SCARA5: variants seen among roughly 807,000 people sequenced by gnomAD.
SCARA5 encodes the protein scavenger receptor class A, member 5 (putative).
Under a neutral mutation model 46.3 loss-of-function variants are expected in SCARA5, and 45 were observed. The ratio of observed to expected loss-of-function variants is 0.97; its 90% CI spans 0.76 to 1.24. The LOEUF (loss-of-function observed/expected upper bound fraction) is 1.24, where lower values mean the gene tolerates loss of function less well. Among genes scored for constraint, SCARA5 ranks in the 50% most tolerant of loss-of-function variants. SCARA5 has a pLI of 0.00. For synonymous variants in SCARA5, 333 were observed against 306.5 expected (o/e 1.09, Z -0.90); for missense variants, 680 against 689.0 (o/e 0.99, Z 0.15).
intron 4 of SCARA5, among the ~76,000 whole-genome samples, chr8:27,915,782 C>G (rs1807451415): frequency 6.6e-6 from 1 of 152,158 alleles, no homozygotes; most frequent in Admixed American, 6.5e-5. Flanking sequence ...GCCTCAGGAT[C>G]CTCAACTACA....
chr8:27,985,246 G>C (rs1222746330), intron 2 of SCARA5, among the ~76,000 whole-genome samples: 4 of 152,152 alleles, frequency 2.6e-5, no homozygotes, highest in Non-Finnish European at 5.9e-5. Context: ...GCAGAAGGTG[G>C]GAGCTGAGCT....
chr8:27,955,087 C>T (rs1453878381), intron 3 of SCARA5, among the ~76,000 whole-genome samples: 1 of 152,206 alleles, frequency 6.6e-6, no homozygotes. Flanking sequence ...CTACAAGTCA[C>T]TTCTGACACC....
intron 3 of SCARA5, among the ~76,000 whole-genome samples, chr8:27,949,814 C>T (rs527419087): frequency 5.3e-5 from 8 of 152,330 alleles, no homozygotes; most frequent in African/African-American, 9.6e-5. Context: ...GGGCCAGGGA[C>T]ATGGGTCTGG....
At chr8:27,916,703 T>G (rs1807466711) in intron 4 of SCARA5, among the ~76,000 whole-genome samples, 1 of 152,122 alleles carries the variant, frequency 6.6e-6, no homozygotes, top group Non-Finnish European at 1.5e-5. Flanking sequence ...ATCTTTTTAA[T>G]AATAATTACC....
chr8:27,908,408 A>G (rs2685359), intron 5 of SCARA5, among the ~76,000 whole-genome samples: 142,837 of 152,272 alleles, frequency 0.94, 67,423 homozygotes, highest in Middle Eastern at 1. Context: ...CCCTGGCCCC[A>G]TGAGGCCTGG....
rs1808723398 is a variant in SCARA5, at chr8:27,987,597, A to G, written c.19T>C (p.Tyr7His). Residue 7 changes from tyrosine to histidine, a missense_variant, in exon 2 of 9, where the codon TAC becomes CAC. Physicochemically the swap from Tyr to His is moderately conservative, Grantham distance 83 (BLOSUM62 2). This residue lies in a region of SCARA5 where 23 missense variants were observed against 35.0 expected (regional missense o/e 0.66). Transcript: ENST00000354914. Reference protein sequence around the residue: MENKAMYLHTVSDCDTS... With the variant: MENKAMHLHTVSDCDTS... ...TCACAGTCGCTGACGGTGTGTAGGTACATAGCTTTGTTCTCCATCACACCC... is the reference window on the plus strand; with the variant it reads ...TCACAGTCGCTGACGGTGTGTAGGTGCATAGCTTTGTTCTCCATCACACCC... 3 of 1,613,698 alleles carry G rather than the reference A, an allele frequency of 1.9e-6. No homozygotes were observed. Among genetic ancestry groups the G allele is most frequent in the Non-Finnish European group, 2.5e-6 (3 of 1,179,576 alleles).
chr8:27,896,763 T>C (rs989085574), intron 7 of SCARA5, among the ~76,000 whole-genome samples: 3 of 152,142 alleles, frequency 2.0e-5, no homozygotes, highest in African/African-American at 7.2e-5. Flanking sequence ...CGTCTGTCTC[T>C]TTCTTCCATC....
At chr8:27,964,133 C>T (rs557158364) in intron 3 of SCARA5, among the ~76,000 whole-genome samples, 2 of 152,282 alleles carry the variant, frequency 1.3e-5, no homozygotes, top group African/African-American at 4.8e-5. Context: ...TCTTAAGAAA[C>T]CTCTCTAAGA....
intron 4 of SCARA5, among the ~76,000 whole-genome samples, chr8:27,914,434 G>T (rs1388756419): frequency 3.3e-5 from 5 of 152,244 alleles, no homozygotes; most frequent in Non-Finnish European, 7.3e-5. Context: ...AGCACCCGGA[G>T]CCTGGTCAGG....
chr8:27,901,290 C>A (rs1363243736), intron 7 of SCARA5, among the ~76,000 whole-genome samples: 2 of 152,106 alleles, frequency 1.3e-5, no homozygotes, highest in Admixed American at 1.3e-4. Context: ...CTGCTAACGG[C>A]ACGGGCTTCA....
chr8:27,898,793 G>A (rs1306650689), intron 7 of SCARA5, among the ~76,000 whole-genome samples: 2 of 152,196 alleles, frequency 1.3e-5, no homozygotes, highest in East Asian at 3.9e-4. Context: ...GGGCTGCAAA[G>A]ATTGAATTCA....
At chr8:27,983,942 C>T (rs1808661590) in intron 2 of SCARA5, among the ~76,000 whole-genome samples, 1 of 152,172 alleles carries the variant, frequency 6.6e-6, no homozygotes, top group Non-Finnish European at 1.5e-5. Context: ...CACCTCTCGC[C>T]CTCCATTGAA....
At chr8:27,918,157 G>A (rs1336979979) in intron 4 of SCARA5, among the ~76,000 whole-genome samples, 7 of 152,088 alleles carry the variant, frequency 4.6e-5, no homozygotes, top group African/African-American at 1.7e-4. Flanking sequence ...CCTGAAAAGG[G>A]GGTATTTCAT....
intron 2 of SCARA5, among the ~76,000 whole-genome samples, chr8:27,983,948 T>C (rs1037738625): frequency 2.0e-5 from 3 of 152,136 alleles, no homozygotes; most frequent in African/African-American, 4.8e-5. Context: ...TCGCCCTCCA[T>C]TGAAGGAGGA....
At chr8:27,906,010 C>G (rs1807256566) in intron 6 of SCARA5, among the ~76,000 whole-genome samples, 1 of 152,298 alleles carries the variant, frequency 6.6e-6, no homozygotes, top group African/African-American at 2.4e-5. Context: ...CTTGCCCAGT[C>G]TCTAATTTTA....
chr8:27,894,585 T>C (rs1438710837), intron 7 of SCARA5, among the ~76,000 whole-genome samples: 3 of 152,156 alleles, frequency 2.0e-5, no homozygotes, highest in Admixed American at 2.0e-4. Flanking sequence ...GCTGAGAAGC[T>C]CTGTGGGAGA....
chr8:27,921,611 C>G lies in SCARA5; in HGVS notation c.876G>C (p.Trp292Cys), dbSNP rs753818638. Residue 292 changes from tryptophan to cysteine, a missense_variant, in exon 4 of 9, where the codon TGG becomes TGC. Transcript: ENST00000354914. ...TGTTCCGCAGTGCGATGGAGTGCTC[C>G]CAGTCCTTGAGGCGCAGGTCCTCGG... Reference protein sequence around the residue: ...AVTEDLRLKDWEHSIALRNIS... With the variant: ...AVTEDLRLKDCEHSIALRNIS... 1.9e-6 allele frequency: 3 copies of G among 1,591,954 alleles called. No homozygotes were observed. The highest frequency in any genetic ancestry group is 2.3e-5 in the South Asian group (2 of 87,970).
intron 7 of SCARA5, among the ~76,000 whole-genome samples, chr8:27,900,093 G>A (rs781176565): frequency 1.6e-4 from 24 of 151,776 alleles, no homozygotes; most frequent in Non-Finnish European, 2.8e-4. Context: ...AGCCGAGATC[G>A]TGCCACTGCA....
intron 7 of SCARA5, among the ~76,000 whole-genome samples, chr8:27,885,060 A>G (rs6993544): frequency 0.72 from 100,122 of 139,280 alleles, 35,481 homozygotes; most frequent in Non-Finnish European, 0.78. Flanking sequence ...GAGAGGGCAG[A>G]CACCATCTTG....
Sources: allele counts gnomAD v4.1 joint callset (sites outside exome capture counted in the v4.1 genomes callset), GRCh38; gene constraint gnomAD v4.1.1; regional missense constraint gnomAD v4.1.1; transcripts MANE v1.5; gene names NCBI Gene and HGNC (gene_info 2026-07-23, HGNC 2026-07-21).